BBS9: variants seen among roughly 807,000 people sequenced by gnomAD.
BBS9 encodes protein PTHB1.
In BBS9, 89 loss-of-function variants were observed where a neutral mutation model predicts 117.7. The ratio of observed to expected loss-of-function variants is 0.76; its 90% CI spans 0.64 to 0.90. The LOEUF (loss-of-function observed/expected upper bound fraction) is 0.90, where lower values mean the gene tolerates loss of function less well. Among genes scored for constraint, BBS9 ranks in the 40% least tolerant of loss-of-function variants. The pLI is 0.00. For synonymous variants in BBS9, 379 were observed against 370.9 expected (o/e 1.02, Z -0.25); for missense variants, 982 against 1,042.2 (o/e 0.94, Z 0.80).
intron 12 of BBS9, among the ~76,000 whole-genome samples, chr7:33,347,638 T>C (rs923775015): frequency 2.6e-5 from 4 of 152,038 alleles, no homozygotes; most frequent in Non-Finnish European, 4.4e-5. Context: ...TTTTAAGTTG[T>C]GCAGAATACT....
chr7:33,188,080 A>ATGTGTG lies in BBS9; in HGVS notation c.442+10516_442+10521dup, dbSNP rs145485929. On this transcript the variant is annotated intron_variant, in intron 5 of 22. Coordinates refer to ENST00000242067, the MANE Select transcript of BBS9 (RefSeq NM_198428.3). ...AGAGCAGCTCCCTGTAGTTGAGTGAATGTGTGTGTGTGTGTGTGTGTGTGT... is the reference window on the plus strand; with the variant it reads ...AGAGCAGCTCCCTGTAGTTGAGTGAATGTGTGTGTGTGTGTGTGTGTGTGTGTGTGT... Among the ~76,000 whole-genome samples, 574 of 73,070 alleles carry ATGTGTG rather than the reference A, an allele frequency of 7.9e-3. 8 individuals are homozygous for ATGTGTG. Among genetic ancestry groups the ATGTGTG allele is most frequent in the African/African-American group, 0.012 (205 of 16,658 alleles). 47.9% of individuals were successfully genotyped at this position (73,070 alleles called of 152,430 possible).
chr7:33,498,725 A>G (rs926145384), intron 19 of BBS9, among the ~76,000 whole-genome samples: 1 of 152,218 alleles, frequency 6.6e-6, no homozygotes, highest in African/African-American at 2.4e-5. Context: ...ATATTCCATT[A>G]TATGAATATG....
At chr7:33,184,097 CAG>C (rs35333434) in intron 5 of BBS9, among the ~76,000 whole-genome samples, 15,666 of 148,804 alleles carry the variant, frequency 0.11, 1,025 homozygotes, top group Non-Finnish European at 0.16. Flanking sequence ...AGTTTGCACA[CAG>C]AGAGAGAGAG....
At chr7:33,583,400 T>C (rs1402999735) in intron 21 of BBS9, among the ~76,000 whole-genome samples, 4 of 152,168 alleles carry the variant, frequency 2.6e-5, no homozygotes, top group Non-Finnish European at 4.4e-5. Flanking sequence ...TGTCCTGTCC[T>C]TTCCCCCTTG....
chr7:33,149,850 T>G (rs1011221469), intron 2 of BBS9, among the ~76,000 whole-genome samples: 7 of 152,314 alleles, frequency 4.6e-5, no homozygotes, highest in South Asian at 4.1e-4. Context: ...CTTGTTACCA[T>G]GTGGACTTGG....
At chr7:33,229,262 C>A (rs940517406) in intron 5 of BBS9, among the ~76,000 whole-genome samples, 7 of 151,986 alleles carry the variant, frequency 4.6e-5, no homozygotes, top group African/African-American at 1.5e-4. Context: ...TATCTATAGT[C>A]TTCATGTTTT....
intron 14 of BBS9, among the ~76,000 whole-genome samples, chr7:33,352,255 T>C (rs1818806612): frequency 6.6e-6 from 1 of 152,236 alleles, no homozygotes; most frequent in Non-Finnish European, 1.5e-5. Context: ...TTTTAAAACT[T>C]AGTCTGCATT....
At chr7:33,164,865 G>A (rs946160176) in intron 4 of BBS9, among the ~76,000 whole-genome samples, 1 of 152,108 alleles carries the variant, frequency 6.6e-6, no homozygotes, top group Non-Finnish European at 1.5e-5. Context: ...ATTTGATCCT[G>A]TCATTATGAT....
intron 5 of BBS9, 180 bp downstream of exon 5, chr7:33,177,771 A>C (rs1370845198): frequency 3.3e-6 from 2 of 605,280 alleles, no homozygotes; most frequent in African/African-American, 1.8e-5. Context: ...AATGTGCCTG[A>C]TATCGTCTGA....
intron 19 of BBS9, among the ~76,000 whole-genome samples, chr7:33,462,343 GT>G (rs539899130): frequency 1.2e-4 from 19 of 152,104 alleles, no homozygotes; most frequent in Admixed American, 1.1e-3. Context: ...AATATGTAAA[GT>G]TTTTTTGACA....
intron 9 of BBS9, among the ~76,000 whole-genome samples, chr7:33,307,772 C>T (rs1223646727): frequency 1.4e-5 from 2 of 145,514 alleles, no homozygotes; most frequent in Admixed American, 6.8e-5. Context: ...ATGCAGCCAT[C>T]TTTTTTTTTT....
intron 10 of BBS9, 58 bp from the exon 11 acceptor site, chr7:33,340,839 A>T (rs1436891111): frequency 6.8e-7 from 1 of 1,471,170 alleles, no homozygotes; most frequent in Admixed American, 1.7e-5. Flanking sequence ...TTAAAGAAAA[A>T]CTATATATAG....
At chr7:33,393,917 T>A (rs1827504697) in intron 19 of BBS9, among the ~76,000 whole-genome samples, 1 of 152,134 alleles carries the variant, frequency 6.6e-6, no homozygotes, top group Admixed American at 6.5e-5. Context: ...TCCCTCCCTA[T>A]TTTCAAATGC....
At chr7:33,555,096 T>C (rs1002782450) in intron 21 of BBS9, among the ~76,000 whole-genome samples, 1 of 152,238 alleles carries the variant, frequency 6.6e-6, no homozygotes, top group African/African-American at 2.4e-5. Context: ...TTTAAACCTG[T>C]GTTGCTAACT....
At chr7:33,540,834 A>G (rs1852177671) in intron 21 of BBS9, among the ~76,000 whole-genome samples, 1 of 152,124 alleles carries the variant, frequency 6.6e-6, no homozygotes, top group Non-Finnish European at 1.5e-5. Context: ...CTCCCCTCCC[A>G]TCTCTGTATC....
chr7:33,376,127 C>T (rs775782153), intron 17 of BBS9, among the ~76,000 whole-genome samples: 1 of 151,840 alleles, frequency 6.6e-6, no homozygotes, highest in Non-Finnish European at 1.5e-5. Flanking sequence ...CTTTTCTCAC[C>T]CAGGTACTAA....
intron 20 of BBS9, among the ~76,000 whole-genome samples, chr7:33,516,590 G>A (rs1481447326): frequency 6.6e-6 from 1 of 151,072 alleles, no homozygotes; most frequent in African/African-American, 2.4e-5. Context: ...GGGAATTTAT[G>A]AGTGGTTTGA....
At chr7:33,622,094 C>A (rs935357154) in intron 21 of BBS9, among the ~76,000 whole-genome samples, 2 of 152,090 alleles carry the variant, frequency 1.3e-5, no homozygotes, top group Admixed American at 1.3e-4. Context: ...CCTGTAATTG[C>A]AGCTACTCCA....
intron 9 of BBS9, among the ~76,000 whole-genome samples, chr7:33,284,802 G>A (rs770480182): frequency 2.6e-5 from 4 of 152,148 alleles, no homozygotes; most frequent in Middle Eastern, 3.4e-3. Context: ...GAGAAACCAC[G>A]GCACTGGTTT....
Sources: allele counts gnomAD v4.1 joint callset (sites outside exome capture counted in the v4.1 genomes callset), GRCh38; gene constraint gnomAD v4.1.1; transcripts MANE v1.5; gene names NCBI Gene and HGNC (gene_info 2026-07-23, HGNC 2026-07-21).